The following GYG2 variants were observed in gnomAD, a reference collection of about 807,000 sequenced individuals.
GYG2 encodes the protein glycogenin 2, also known as glycogenin-2.
A neutral mutation model predicts 29.4 loss-of-function variants in GYG2; 29 were observed. The ratio of observed to expected loss-of-function variants is 0.99; its 90% CI spans 0.74 to 1.35. The LOEUF (loss-of-function observed/expected upper bound fraction) is 1.35. Ranked by LOEUF, GYG2 falls within the 40% of genes most tolerant of loss-of-function variation. The probability of loss-of-function intolerance (pLI) is 0.00; values close to 1 mark genes in which losing one functional copy is unlikely to be tolerated. For synonymous variants in GYG2, 167 were observed against 172.3 expected, an observed-to-expected ratio of 0.97 and a Z score of 0.24; for missense variants, 370 against 385.7, an observed-to-expected ratio of 0.96 and a Z score of 0.34.
chrX:2,861,526 GC>G lies in GYG2; in HGVS notation c.844del (p.His282ThrfsTer50). The G allele has an allele frequency of 1.7e-6, 2 of 1,203,380 alleles. No homozygotes were observed. Among genetic ancestry groups the G allele is most frequent in the Non-Finnish European group, 2.2e-6 (2 of 889,138 alleles). The stretch of plus-strand genomic sequence containing the variant: ...CACGTGTGTGTTTTTGTGCAGCTTT[GC>G]CACAGTGATGTGGGGGGGCCGTGTG... ...EARASPGHTL[C>X]HSDVGGPCAD... On this transcript the variant is annotated frameshift_variant, in exon 8 of 11. Transcript: ENST00000398806. LOFTEE classifies it high-confidence loss of function.
At chrX:2,877,689 G>C in intron 10 of GYG2, 1 of 749,743 alleles carries the variant, frequency 1.3e-6, no homozygotes, top group Non-Finnish European at 1.6e-6. Context: ...AATCCAAATG[G>C]GGCATGCAAA....
At chrX:2,865,175 G>T (rs2088269366) in intron 8 of GYG2, among the ~76,000 whole-genome samples, 1 of 111,362 alleles carries the variant, frequency 9.0e-6, no homozygotes, top group African/African-American at 3.3e-5. Context: ...CCCCTGGAGG[G>T]ATTTCCACGG....
At chrX:2,861,931 A>G (rs189031591) in intron 8 of GYG2, among the ~76,000 whole-genome samples, 1 of 111,726 alleles carries the variant, frequency 9.0e-6, no homozygotes, top group Non-Finnish European at 1.9e-5. Flanking sequence ...TCTATGCCCC[A>G]ATCCCTAGGA....
intron 3 of GYG2, among the ~76,000 whole-genome samples, chrX:2,850,812 G>T (rs1222763531): frequency 9.2e-6 from 1 of 109,258 alleles, no homozygotes; most frequent in East Asian, 2.9e-4. Context: ...TTATAAAACG[G>T]CCCCACCCCT....
rs200824650 is a variant in GYG2, at chrX:2,855,155, G to A, written c.487G>A (p.Gly163Arg). ...CGCCATGGAACACGGCAGCTTTGAC[G>A]GTAAGTCAGGGCAGCCCGGACGCTT... ...QHAMEHGSFD[G>R]ADQGLLNSFF... The change falls in exon 5 of 11, where the codon GGG becomes AGG. Residue 163 changes from glycine (G) to arginine (R), a missense_variant and splice_region_variant. By Grantham distance (125) the Gly-to-Arg change is moderately radical. Transcript: ENST00000398806. 6.2e-4 allele frequency: 743 copies of A among 1,205,729 alleles called. 4 individuals carry two copies. Among genetic ancestry groups the A allele is most frequent in the Non-Finnish European group, 2.1e-4 (186 of 891,711 alleles).
Position 2,859,878 on chromosome X carries a change from G to A in GYG2, c.650G>A (p.Gly217Glu). The A allele has an allele frequency of 8.3e-7, 1 of 1,204,258 alleles. No individual in the cohort carries two copies. Among genetic ancestry groups the A allele is most frequent in the Non-Finnish European group, 1.1e-6 (1 of 889,923 alleles). ...AGTGCAAAGGTCGTCCACTTTTTGG[G>A]GTCCATGAAACCTTGGAACTACAAG... is the stretch of plus-strand genomic sequence containing the variant. Reference protein sequence around the residue: ...GSSAKVVHFLGSMKPWNYKYN... With the variant: ...GSSAKVVHFLESMKPWNYKYN... Residue 217 changes from glycine to glutamate, a missense_variant, in exon 7 of 11, where the codon GGG (glycine) becomes GAG (glutamate). Gly to Glu is a moderately conservative substitution (Grantham distance 98, BLOSUM62 -2). Coordinates refer to ENST00000398806, the MANE Select transcript of GYG2 (RefSeq NM_001079855.2).
chrX:2,858,588 T>C (rs2088080205), intron 6 of GYG2, among the ~76,000 whole-genome samples: 1 of 111,722 alleles, frequency 9.0e-6, no homozygotes, highest in African/African-American at 3.3e-5. Context: ...TAAATGAAAA[T>C]AGAGAATCTG....
intron 8 of GYG2, among the ~76,000 whole-genome samples, chrX:2,870,495 G>A (rs140954710): frequency 0.012 from 1,348 of 111,405 alleles, 20 homozygotes; most frequent in African/African-American, 0.042. Context: ...GAGCCACCAC[G>A]CCCGGCCTCT....
chrX:2,862,827 G>C (rs1476034148), intron 8 of GYG2, among the ~76,000 whole-genome samples: 3 of 110,148 alleles, frequency 2.7e-5, no homozygotes, highest in Non-Finnish European at 3.8e-5. Flanking sequence ...GGAAGGCTGA[G>C]GTGGGAGGAT....
At chrX:2,860,395 TCCACTTGAAA>T (rs1425566178) in intron 7 of GYG2, among the ~76,000 whole-genome samples, 1 of 110,844 alleles carries the variant, frequency 9.0e-6, no homozygotes, top group Non-Finnish European at 1.9e-5. Flanking sequence ...GTCAACACTT[TCCACTTGAAA>T]CCATCATTTG....
At chrX:2,864,722 G>A (rs1298267171) in intron 8 of GYG2, among the ~76,000 whole-genome samples, 2 of 109,773 alleles carry the variant, frequency 1.8e-5, no homozygotes, top group Non-Finnish European at 3.8e-5. Flanking sequence ...TTAAAGGATT[G>A]TGTTTTTGCA....
At chrX:2,850,231 GCA>G (rs766582299) in intron 3 of GYG2, among the ~76,000 whole-genome samples, 1 of 111,917 alleles carries the variant, frequency 8.9e-6, no homozygotes, top group Non-Finnish European at 1.9e-5. Context: ...ATGTGTTAGT[GCA>G]CAGTTACGAA....
chrX:2,841,136 G>T (rs181728234), intron 2 of GYG2, among the ~76,000 whole-genome samples: 2 of 110,126 alleles, frequency 1.8e-5, no homozygotes, highest in African/African-American at 3.3e-5. Context: ...ATAGATGATA[G>T]ATGGATGGAT....
chrX:2,862,619 G>A (rs1380542028), intron 8 of GYG2, among the ~76,000 whole-genome samples: 1 of 111,720 alleles, frequency 9.0e-6, no homozygotes, highest in Non-Finnish European at 1.9e-5. Flanking sequence ...CTGCACAGTG[G>A]TGTCTGCTGA....
chrX:2,852,008 A>G (rs2087882571), intron 3 of GYG2, among the ~76,000 whole-genome samples: 1 of 112,044 alleles, frequency 8.9e-6, no homozygotes, highest in South Asian at 3.7e-4. Flanking sequence ...TAATCCCAGC[A>G]CTTTGTGAGA....
At chrX:2,830,609 A>C (rs2087243168) in intron 2 of GYG2, among the ~76,000 whole-genome samples, 1 of 111,605 alleles carries the variant, frequency 9.0e-6, no homozygotes, top group Non-Finnish European at 1.9e-5. Flanking sequence ...CCACGGTTTT[A>C]ATTTCTGTTT....
rs190834030 is a variant in GYG2 at position 2,835,335 on chromosome X, T to G, written c.7+5140T>G. Among the ~76,000 whole-genome samples the G allele has an allele frequency of 5.5e-3, 617 of 111,331 alleles. 3 individuals are homozygous for G. The highest frequency in any genetic ancestry group is 0.019 in the African/African-American group (585 of 30,575). ...GGTCAGCTTTTCCTGAATTCCAAAA[T>G]GGAGGAGGTTATGATGAGGCATGTC... On this transcript the variant is annotated intron_variant, in intron 2 of 10. Transcript: ENST00000398806.
At chrX:2,861,289 T>TAAGTACTGGATTACTAAGTACTGGATTAC (rs1569067794) in intron 7 of GYG2, among the ~76,000 whole-genome samples, 1 of 108,938 alleles carries the variant, frequency 9.2e-6, no homozygotes, top group Non-Finnish European at 1.9e-5. Context: ...TACTGGATTA[T>TAAGTACTGGATTACTAAGTACTGGATTAC]TAAGTACTGG....
At position 2,871,689 on chromosome X, in the gene GYG2, C is replaced by CAAAT. The variant is rs200105400; in HGVS notation, c.1039-4077_1039-4074dup. Reference sequence around the variant, plus strand: ...TGGGCAACAGAACGAGACTCCGTCTCAAATAAATAAATAAATAAATAAATA... The same window carrying CAAAT: ...TGGGCAACAGAACGAGACTCCGTCTCAAATAAATAAATAAATAAATAAATAAATA... On this transcript the variant is annotated intron_variant, in intron 8 of 10. Transcript: ENST00000398806. Among the ~76,000 whole-genome samples, 722 of 99,976 alleles carry CAAAT rather than the reference C, an allele frequency of 7.2e-3. 5 individuals carry two copies. Among genetic ancestry groups the CAAAT allele is most frequent in the South Asian group, 0.023 (48 of 2,077 alleles). 86.8% of individuals were successfully genotyped at this position (99,976 alleles called of 115,157 possible). A position where few individuals can be genotyped will look rare whatever the true frequency, so the allele number is the denominator to read the frequency against.
Sources: gnomAD v4.1 joint callset for allele counts (sites outside exome capture counted in the v4.1 genomes callset) on GRCh38, gnomAD v4.1.1 for gene constraint, MANE v1.5 for transcripts, NCBI Gene and HGNC (gene_info 2026-07-23, HGNC 2026-07-21) for gene names.